CROCC: variants seen among roughly 807,000 people sequenced by gnomAD.
CROCC encodes the protein ciliary rootlet coiled-coil, rootletin, also known as rootletin.
CROCC carries 180 observed loss-of-function variants against 245.2 expected under a neutral mutation model. That is an observed-to-expected ratio of 0.73 (90% CI 0.65 to 0.83). The LOEUF (loss-of-function observed/expected upper bound fraction) is 0.83. CROCC is among the 40% of genes least tolerant of loss of function. The probability of loss-of-function intolerance (pLI) is 0.00; values close to 1 mark genes in which losing one functional copy is unlikely to be tolerated. For missense variants in CROCC, 2,688 were observed against 2,779.4 expected (o/e 0.97, Z 0.74); for synonymous variants, 1,205 against 1,241.6 (o/e 0.97, Z 0.62).
upstream of CROCC, among the ~76,000 whole-genome samples, chr1:16,920,497 T>C (rs914307068): frequency 2.0e-5 from 3 of 152,268 alleles, no homozygotes; most frequent in African/African-American, 7.2e-5. Context: ...CTGGCCTGGT[T>C]TAGTCTCCTT....
rs1423688584 is a variant in CROCC at position 16,939,210 on chromosome 1, G to GGGGGCA, written c.1608+73_1608+74insAGGGGC. On this transcript the variant is annotated intron_variant, in intron 12 of 36. Coordinates refer to ENST00000375541, the MANE Select transcript of CROCC (RefSeq NM_014675.5). ...GGGGAGGGGCTCGCGCCCTCCGGGT[G>GGGGGCA]GGGGCGGGGGCGGGGGCAGGTCCGG... 6 of 1,155,296 alleles carry GGGGGCA rather than the reference G, an allele frequency of 5.2e-6. No individual in the cohort carries two copies. In the African/African-American group the frequency reaches 1.5e-4, roughly 29 times the overall value. 71.6% of individuals were successfully genotyped at this position (1,155,296 alleles called of 1,614,324 possible).
rs1197090289 is a variant in CROCC, at chr1:16,945,397, G to A, written c.1992-65G>A. Reference sequence around the variant, plus strand: ...GGCCTGGTCCCCAGCCCAGCATCTCGCTGGCTACAGGAGGTTCGGGGCAGG... The same window carrying A: ...GGCCTGGTCCCCAGCCCAGCATCTCACTGGCTACAGGAGGTTCGGGGCAGG... On this transcript the variant is annotated intron_variant, in intron 14 of 36. Transcript: ENST00000375541. 531 of 1,602,776 alleles carry A rather than the reference G, an allele frequency of 3.3e-4. No individual in the cohort carries two copies. The African/African-American group carries it at 5.4e-3, about 16-fold the overall frequency.
chr1:16,925,450 G>A (rs1481346755), intron 3 of CROCC, among the ~76,000 whole-genome samples: 1 of 152,268 alleles, frequency 6.6e-6, no homozygotes, highest in Non-Finnish European at 1.5e-5. Context: ...TCCCAGCCCA[G>A]GGCTCTGTTT....
Position 16,946,903 on chromosome 1 carries a change from G to T in CROCC, c.2426G>T (p.Arg809Leu). Reference protein sequence around the residue: ...VARQGLEGSLRVAEQAQEALE... With the variant: ...VARQGLEGSLLVAEQAQEALE... ...CGGCAGGGCCTGGAGGGCTCCCTAC[G>T]AGTGGCGGAGCAGGCCCAGGAGGCA... Residue 809 changes from arginine to leucine, a missense_variant, in exon 17 of 37, where the codon CGA becomes CTA. Around this residue, in one of 9 missense-constraint regions of CROCC, gnomAD observed 295 missense variants for 241.7 expected, o/e 1.22. Transcript: ENST00000375541. 1 of 1,563,888 alleles carries T rather than the reference G, an allele frequency of 6.4e-7. No homozygotes were observed. The highest frequency in any genetic ancestry group is 8.7e-7 in the Non-Finnish European group (1 of 1,154,680).
At position 16,922,590 on chromosome 1, in the gene CROCC, C is replaced by T. The variant is rs902875901; in HGVS notation, c.61-73C>T. 8.6e-6 allele frequency: 13 copies of T among 1,520,262 alleles called. No homozygotes were observed. The African/African-American group carries it at 1.8e-4, about 21-fold the overall frequency. The allele number at this position is 1,520,262 out of a possible 1,614,324, so 94.2% of individuals were successfully genotyped here. A position where few individuals can be genotyped will look rare whatever the true frequency, so the allele number is the denominator to read the frequency against. On this transcript the variant is annotated intron_variant, in intron 1 of 36. Coordinates refer to ENST00000375541, the MANE Select transcript of CROCC (RefSeq NM_014675.5). Reference sequence around the variant, plus strand: ...GACCTGTATCTTGGGCAGTAGGATTCTGTGGCTCTCCCCACGAGGCCAGGG... The same window carrying T: ...GACCTGTATCTTGGGCAGTAGGATTTTGTGGCTCTCCCCACGAGGCCAGGG...
upstream of CROCC, among the ~76,000 whole-genome samples, chr1:16,918,572 C>T (rs1378671262): frequency 1.3e-5 from 2 of 152,266 alleles, no homozygotes; most frequent in African/African-American, 2.4e-5. Flanking sequence ...GCTGGGCATG[C>T]AGGGCTGGAC....
intron 1 of CROCC, among the ~76,000 whole-genome samples, chr1:16,916,183 C>CAAAAAA (rs58710425): frequency 6.5e-5 from 7 of 107,918 alleles, no homozygotes; most frequent in South Asian, 3.1e-4. Context: ...GACTCTGCCT[C>CAAAAAA]AAAAAAAAAG....
chr1:16,923,674 CTTT>C (rs61063425), intron 2 of CROCC, among the ~76,000 whole-genome samples: 1,197 of 103,440 alleles, frequency 0.012, no homozygotes, highest in Admixed American at 0.014. Context: ...ACTATTCTAC[CTTT>C]TTTTTTTTTT....
At chr1:16,964,330 CTTTT>C (rs2076384883) in intron 27 of CROCC, among the ~76,000 whole-genome samples, 1 of 151,168 alleles carries the variant, frequency 6.6e-6, no homozygotes, top group South Asian at 2.1e-4. Context: ...CTTTTCTTTT[CTTTT>C]CTTTTCCTTT....
chr1:16,952,429 G>A (rs896494716), intron 20 of CROCC, among the ~76,000 whole-genome samples: 2 of 151,850 alleles, frequency 1.3e-5, no homozygotes, highest in African/African-American at 4.8e-5. Context: ...AGGTTGCAGT[G>A]AGCCAAAATC....
At chr1:16,960,442 T>C (rs543397145) in intron 26 of CROCC, among the ~76,000 whole-genome samples, 34 of 152,320 alleles carry the variant, frequency 2.2e-4, no homozygotes, top group South Asian at 1.2e-3. Context: ...AGAGTAGTAA[T>C]TAGAGTTAAT....
intron 35 of CROCC, 147 bp from the exon 36 acceptor site, chr1:16,971,318 G>T: frequency 7.9e-7 from 1 of 1,268,180 alleles, no homozygotes; most frequent in Non-Finnish European, 1.0e-6. Flanking sequence ...TCACTGTCAG[G>T]GCCAGCAGGA....
At position 16,931,379 on chromosome 1, in the gene CROCC, TGAA is replaced by T. The variant is rs2075674048; in HGVS notation, c.941_943del (p.Lys314del). Reference sequence around the variant, plus strand: ...GGGTTCCGGCGGCTGGTCAGCGAGGTGAAGATGTTCACTGAGAGGTGAGGCCTG... The same window carrying T: ...GGGTTCCGGCGGCTGGTCAGCGAGGTGATGTTCACTGAGAGGTGAGGCCTG... On this transcript the variant is annotated inframe_deletion, in exon 8 of 37. Coordinates refer to ENST00000375541, the MANE Select transcript of CROCC (RefSeq NM_014675.5). The T allele has an allele frequency of 1.5e-5, 24 of 1,611,686 alleles. No homozygotes were observed. The highest frequency in any genetic ancestry group is 2.0e-5 in the Non-Finnish European group (23 of 1,178,408).
At chr1:16,932,237 A>C (rs1264288301) in intron 8 of CROCC, among the ~76,000 whole-genome samples, 2 of 152,364 alleles carry the variant, frequency 1.3e-5, no homozygotes, top group African/African-American at 2.4e-5. Flanking sequence ...TGAGGTTAGG[A>C]GTTCAAGACC....
In CROCC at chr1:16,924,258, T is replaced by A; in HGVS notation, c.197-67T>A. Reference sequence around the variant, plus strand: ...AGGGGCCTGGATGGTTTTCTTGCCCTCCCTGTTGGGGGGAGGATGTCCCAC... The same window carrying A: ...AGGGGCCTGGATGGTTTTCTTGCCCACCCTGTTGGGGGGAGGATGTCCCAC... On this transcript the variant is annotated intron_variant, in intron 2 of 36. Transcript: ENST00000375541. The A allele has an allele frequency of 6.3e-6, 10 of 1,575,116 alleles. No individual in the cohort carries two copies. The South Asian group carries it at 1.1e-4, about 18-fold the overall frequency.
intron 6 of CROCC, 32 bp downstream of exon 6, chr1:16,930,379 C>G (rs768512355): frequency 1.2e-6 from 2 of 1,611,186 alleles, no homozygotes; most frequent in Non-Finnish European, 1.7e-6. Context: ...CCAGGGCTGG[C>G]AGGATGGCCC....
In CROCC at chr1:16,947,959, G is replaced by A. The variant is rs12068648; in HGVS notation, c.2515-372G>A. On this transcript the variant is annotated intron_variant, in intron 17 of 36. Transcript: ENST00000375541. ...GTTTAAGCTGTTCGCCTGCCTCAGC[G>A]TCCCAAGTAGCAGGGACTACAGGCG... Among the ~76,000 whole-genome samples, 721 of 152,214 alleles carry A rather than the reference G, an allele frequency of 4.7e-3. 1 individual carries two copies. The highest frequency in any genetic ancestry group is 0.016 in the African/African-American group (652 of 41,466).
intron 8 of CROCC, among the ~76,000 whole-genome samples, chr1:16,934,847 T>A (rs1207080796): frequency 2.6e-5 from 4 of 151,814 alleles, no homozygotes; most frequent in African/African-American, 9.6e-5. Flanking sequence ...TTCTTCTTTT[T>A]TTTTTTGGCC....
At chr1:16,918,870 G>A (rs1248168902), upstream of CROCC, among the ~76,000 whole-genome samples, 1 of 152,158 alleles carries the variant, frequency 6.6e-6, no homozygotes, top group Non-Finnish European at 1.5e-5. Context: ...CCGAGTAGCT[G>A]GGACTACAGG....
Sources: gnomAD v4.1 joint callset for allele counts (sites outside exome capture counted in the v4.1 genomes callset) on GRCh38, gnomAD v4.1.1 for gene constraint, gnomAD v4.1.1 regional missense constraint, MANE v1.5 for transcripts, NCBI Gene and HGNC (gene_info 2026-07-23, HGNC 2026-07-21) for gene names.